Variants in PHKA2 observed in about 807,000 individuals in gnomAD.
PHKA2 encodes the protein phosphorylase kinase regulatory subunit alpha 2, also known as phosphorylase b kinase regulatory subunit alpha, liver isoform.
A neutral mutation model predicts 102.0 loss-of-function variants in PHKA2; 31 were observed. That is an observed-to-expected ratio of 0.30 (90% CI 0.23 to 0.41). The LOEUF is 0.41. Ranked by LOEUF, PHKA2 falls within the 10% of genes least tolerant of loss-of-function variation. PHKA2 has a pLI of 1.00. For synonymous variants in PHKA2, 455 were observed against 416.2 expected, an observed-to-expected ratio of 1.09 and a Z score of -1.13; for missense variants, 858 against 1,023.1, an observed-to-expected ratio of 0.84 and a Z score of 2.20.
chrX:18,909,746 C>T (rs2047888941), intron 20 of PHKA2, among the ~76,000 whole-genome samples: 1 of 112,390 alleles, frequency 8.9e-6, no homozygotes, highest in African/African-American at 3.2e-5. Context: ...TGAAGATCCC[C>T]ATGTACCCAG....
At chrX:18,959,108 C>T (rs1011851174) in intron 1 of PHKA2, among the ~76,000 whole-genome samples, 9 of 112,164 alleles carry the variant, frequency 8.0e-5, no homozygotes, top group African/African-American at 1.6e-4. Context: ...ATCAAACTGC[C>T]GTGTTCAAAG....
chrX:18,925,993 T>C (rs183109901), intron 14 of PHKA2, among the ~76,000 whole-genome samples: 1 of 111,793 alleles, frequency 8.9e-6, no homozygotes, highest in African/African-American at 3.2e-5. Context: ...CAGTACCCAG[T>C]TGGAACTGCA....
chrX:18,931,579 T>C, intron 12 of PHKA2, 62 bp downstream of exon 12: 1 of 811,341 alleles, frequency 1.2e-6, no homozygotes. Context: ...CCTATGCCCT[T>C]CTGGGGTTCC....
At chrX:18,953,207 T>C (rs928256346) in intron 2 of PHKA2, among the ~76,000 whole-genome samples, 3 of 112,213 alleles carry the variant, frequency 2.7e-5, no homozygotes, top group Non-Finnish European at 5.6e-5. Flanking sequence ...TCTACTTCAA[T>C]GCTACCACTC....
chrX:18,952,308 T>C (rs754902214), intron 3 of PHKA2, among the ~76,000 whole-genome samples, 186 bp downstream of exon 3: 149 of 80,516 alleles, frequency 1.9e-3, no homozygotes, highest in African/African-American at 7.0e-3. Context: ...TCAGCCTGAG[T>C]GACAGTGTGA....
chrX:18,941,727 A>T, intron 7 of PHKA2, 52 bp from the exon 8 acceptor site: 1 of 893,034 alleles, frequency 1.1e-6, no homozygotes, highest in Non-Finnish European at 1.7e-6. Context: ...TAATAGGCGC[A>T]GTATCTAGGG....
Position 18,911,069 on chromosome X carries a change from G to C in PHKA2, c.2138-109C>G, listed in dbSNP as rs1238732109. 2.7e-5 allele frequency: 12 copies of C among 448,028 alleles called. No individual in the cohort carries two copies. In the East Asian group the frequency reaches 6.1e-4, roughly 23 times the overall value. 36.9% of individuals were successfully genotyped at this position (448,028 alleles called of 1,213,427 possible). A position where few individuals can be genotyped will look rare whatever the true frequency, so the allele number is the denominator to read the frequency against. ...CACCCAGGCTGGAGTGCACTGGTGT[G>C]ATCTCGCCTCACTGCAACCTTTGCC... On this transcript the variant is annotated intron_variant, in intron 19 of 32. Transcript: ENST00000379942.
rs1214595614 is a variant in PHKA2, at chrX:18,929,237, C to T, written c.1315G>A (p.Val439Ile). ...RFSTSVKPDV[V>I]VQVTVLAENN... ...AAACACGCTCACAAACCTTGTACTA[C>T]AACATCAGGTTTGACTGAAGTGGAA... The change falls in exon 13 of 33, where the codon GTA becomes ATA. Residue 439 changes from valine (V) to isoleucine (I), a missense_variant. Val to Ile is a conservative substitution (Grantham distance 29). Transcript: ENST00000379942. 3.5e-6 allele frequency: 4 copies of T among 1,152,050 alleles called. No individual in the cohort carries two copies. The highest frequency in any genetic ancestry group is 3.5e-6 in the Non-Finnish European group (3 of 854,410). The allele number at this position is 1,152,050 out of a possible 1,213,427, so 94.9% of individuals were successfully genotyped here.
At chrX:18,900,569 G>A (rs767707970) in intron 28 of PHKA2, 101 bp downstream of exon 28, 23 of 787,197 alleles carry the variant, frequency 2.9e-5, no homozygotes, top group Admixed American at 1.6e-4. Flanking sequence ...GGATAGAGCC[G>A]CCCTCTACAC....
At chrX:18,952,594 A>G in intron 2 of PHKA2, 53 bp from the exon 3 acceptor site, 3 of 1,120,883 alleles carry the variant, frequency 2.7e-6, no homozygotes, top group Non-Finnish European at 2.5e-6. Context: ...TGCTGCAGGA[A>G]AATCACCTCC....
chrX:18,948,165 A>C (rs2048616761), intron 5 of PHKA2, among the ~76,000 whole-genome samples: 3 of 112,253 alleles, frequency 2.7e-5, no homozygotes, highest in Admixed American at 1.9e-4. Context: ...AAAATTAAAA[A>C]TAAAATAAAA....
intron 3 of PHKA2, among the ~76,000 whole-genome samples, chrX:18,951,917 T>A (rs1569326661): frequency 1.8e-5 from 2 of 108,958 alleles, no homozygotes; most frequent in South Asian, 3.9e-4. Flanking sequence ...ACGTGGCTTT[T>A]AAAAAAAAAT....
intron 30 of PHKA2, chrX:18,895,398 C>G: frequency 2.2e-6 from 1 of 461,087 alleles, no homozygotes; most frequent in Non-Finnish European, 3.9e-6. Context: ...TCTAGGGAAC[C>G]CAGCAGGCAT....
At chrX:18,962,724 A>T (rs2048887054) in intron 1 of PHKA2, among the ~76,000 whole-genome samples, 1 of 112,483 alleles carries the variant, frequency 8.9e-6, no homozygotes, top group Non-Finnish European at 1.9e-5. Flanking sequence ...CCCTACCAAC[A>T]GTGTGAGTAC....
At chrX:18,951,641 T>C (rs1355890900) in intron 3 of PHKA2, among the ~76,000 whole-genome samples, 2 of 111,799 alleles carry the variant, frequency 1.8e-5, no homozygotes, top group Non-Finnish European at 3.8e-5. Context: ...ATTTCTTGTT[T>C]CTTAATGTTG....
intron 1 of PHKA2, among the ~76,000 whole-genome samples, chrX:18,965,429 T>C (rs2048925907): frequency 8.9e-6 from 1 of 111,807 alleles, no homozygotes; most frequent in African/African-American, 3.3e-5. Flanking sequence ...ATGTCATTAT[T>C]TGATATTTTC....
Position 18,897,347 on chromosome X carries a change from A to G in PHKA2, c.3112-14T>C, listed in dbSNP as rs371304628. 195 of 1,196,839 alleles carry G rather than the reference A, an allele frequency of 1.6e-4. No individual in the cohort carries two copies. The African/African-American group carries it at 2.8e-3, about 17-fold the overall frequency. ...GGTGCTGGACCTCTGCAAGACAGAC[A>G]GCTTGGGGCCTCAGAAGCCACGCAG... On this transcript the variant is annotated splice_polypyrimidine_tract_variant and intron_variant, in intron 29 of 32. Coordinates refer to ENST00000379942, the MANE Select transcript of PHKA2 (RefSeq NM_000292.3).
chrX:18,897,346 C>G lies in PHKA2; in HGVS notation c.3112-13G>C, dbSNP rs367777048. On this transcript the variant is annotated splice_polypyrimidine_tract_variant and intron_variant, in intron 29 of 32. Coordinates refer to ENST00000379942, the MANE Select transcript of PHKA2 (RefSeq NM_000292.3). ...GGGTGCTGGACCTCTGCAAGACAGA[C>G]AGCTTGGGGCCTCAGAAGCCACGCA... The G allele has an allele frequency of 1.7e-5, 20 of 1,198,584 alleles. No homozygotes were observed. The highest frequency in any genetic ancestry group is 6.0e-5 in the East Asian group (2 of 33,600).
chrX:18,912,480 G>C (rs1424474231), intron 19 of PHKA2, among the ~76,000 whole-genome samples: 2 of 111,026 alleles, frequency 1.8e-5, no homozygotes, highest in Non-Finnish European at 3.8e-5. Context: ...TAGAAAGATG[G>C]TATAGGCCAG....
Sources: gnomAD v4.1 joint callset for allele counts (sites outside exome capture counted in the v4.1 genomes callset) on GRCh38, gnomAD v4.1.1 for gene constraint, MANE v1.5 for transcripts, NCBI Gene and HGNC (gene_info 2026-07-23, HGNC 2026-07-21) for gene names.